MASP1: variants seen among roughly 807,000 people sequenced by gnomAD.
The protein encoded by MASP1 is mannan-binding lectin serine protease 1.
MASP1 carries 59 observed loss-of-function variants against 77.1 expected under a neutral mutation model. The ratio of observed to expected loss-of-function variants is 0.77; its 90% CI spans 0.62 to 0.95. The LOEUF is 0.95. Ranked by LOEUF, MASP1 falls within the 40% of genes least tolerant of loss-of-function variation. The probability of loss-of-function intolerance (pLI) is 0.00; values close to 1 mark genes in which losing one functional copy is unlikely to be tolerated. For missense variants in MASP1, 885 were observed against 912.9 expected (o/e 0.97, Z 0.39); for synonymous variants, 362 against 354.5 (o/e 1.02, Z -0.24).
intron 2 of MASP1, among the ~76,000 whole-genome samples, chr3:187,274,284 C>T (rs9860120): frequency 0.12 from 17,559 of 152,062 alleles, 1,355 homozygotes; most frequent in African/African-American, 0.23. Context: ...TGACAGGGCA[C>T]GTTTACCTTC....
intron 2 of MASP1, among the ~76,000 whole-genome samples, chr3:187,275,059 C>T (rs1579570092): frequency 6.6e-6 from 1 of 152,158 alleles, no homozygotes; most frequent in Non-Finnish European, 1.5e-5. Context: ...CTCAGACTCC[C>T]CCACCTCACC....
chr3:187,288,427 G>A (rs1002017618), intron 1 of MASP1, among the ~76,000 whole-genome samples: 3 of 152,206 alleles, frequency 2.0e-5, no homozygotes, highest in African/African-American at 4.8e-5. Flanking sequence ...GGTCAAAAGA[G>A]CTAGATTCAG....
chr3:187,264,577 T>A (rs1275415409), intron 2 of MASP1, among the ~76,000 whole-genome samples: 1 of 152,232 alleles, frequency 6.6e-6, no homozygotes, highest in Non-Finnish European at 1.5e-5. Context: ...TCAACCATTG[T>A]GATACTATAT....
intron 8 of MASP1, among the ~76,000 whole-genome samples, chr3:187,249,243 A>G (rs1714360230): frequency 6.6e-6 from 1 of 152,006 alleles, no homozygotes; most frequent in Non-Finnish European, 1.5e-5. Flanking sequence ...TTTTTAGTAG[A>G]GACTGAGTTT....
At chr3:187,220,918 C>A (rs1439673312) in intron 15 of MASP1, 11 of 765,244 alleles carry the variant, frequency 1.4e-5, no homozygotes, top group Non-Finnish European at 2.6e-5. Context: ...TTCCTCCAGT[C>A]CCCCGCGCCC....
In MASP1 at chr3:187,226,469, G is replaced by A. The variant is rs551848961; in HGVS notation, c.1493C>T (p.Pro498Leu). 1.4e-5 allele frequency: 22 copies of A among 1,613,042 alleles called. No individual in the cohort carries two copies. The highest frequency in any genetic ancestry group is 1.7e-4 in the Middle Eastern group (1 of 6,060). Reference sequence around the variant, plus strand: ...TGAATCACGTAGGGTCGGATCTTCCGGATCGAGTGACTGGTGGAGGCAGTG... The same window carrying A: ...TGAATCACGTAGGGTCGGATCTTCCAGATCGAGTGACTGGTGGAGGCAGTG... The change falls in exon 12 of 16, where the codon CCG becomes CTG. Residue 498 changes from proline (P) to leucine (L), a missense_variant. By Grantham distance (98) the Pro-to-Leu change is moderately conservative (BLOSUM62 -3). Coordinates refer to the MASP1 transcript ENST00000337774.
In MASP1 at chr3:187,236,305, C is replaced by A; in HGVS notation, c.1566G>T (p.Leu522Phe). The A allele has an allele frequency of 6.2e-7, 1 of 1,614,258 alleles. No individual in the cohort carries two copies. The highest frequency in any genetic ancestry group is 8.5e-7 in the Non-Finnish European group (1 of 1,180,054). The change falls in exon 11 of 11, where the codon TTG (leucine) becomes TTT (phenylalanine). Residue 522 changes from leucine to phenylalanine, a missense_variant. Coordinates refer to ENST00000296280, the MANE Select transcript of MASP1 (RefSeq NM_139125.4). ...SKEHVTVYLG[L>F]HDVRDKSGAV... The stretch of plus-strand genomic sequence containing the variant: ...CCCCCGATTTGTCTCGCACATCATG[C>A]AAGCCCAGGTAGACGGTGACATGCT...
intron 11 of MASP1, chr3:187,226,577 G>A: frequency 8.1e-7 from 1 of 1,228,930 alleles, no homozygotes; most frequent in Non-Finnish European, 1.2e-6. Flanking sequence ...GCCTCCCTCT[G>A]TCTTGAGCTG....
intron 10 of MASP1, among the ~76,000 whole-genome samples, chr3:187,236,952 T>C (rs1027766067): frequency 2.0e-5 from 3 of 152,236 alleles, no homozygotes; most frequent in Admixed American, 1.3e-4. Context: ...ATTTCAGAAG[T>C]GGTCCATGCT....
At chr3:187,279,510 C>A (rs181127611) in intron 2 of MASP1, among the ~76,000 whole-genome samples, 1 of 152,186 alleles carries the variant, frequency 6.6e-6, no homozygotes, top group Non-Finnish European at 1.5e-5. Flanking sequence ...GGCTGGCCAA[C>A]AAAATCCATC....
At position 187,220,016 on chromosome 3, in the gene MASP1, C is replaced by T. The variant is rs367672131; in HGVS notation, c.*55G>A. ...GAAATGGCTGCTTTCATCGGAGGAT[C>T]GTCCTCTGCTACTGACTGCCCACAG... On this transcript the variant is annotated 3_prime_UTR_variant, in exon 16 of 16. Transcript: ENST00000337774. 2.3e-5 allele frequency: 37 copies of T among 1,579,844 alleles called. No homozygotes were observed. In the African/African-American group the frequency reaches 3.5e-4, roughly 15 times the overall value.
intron 2 of MASP1, among the ~76,000 whole-genome samples, chr3:187,273,592 T>G (rs1716709507): frequency 1.3e-5 from 2 of 152,170 alleles, no homozygotes; most frequent in African/African-American, 4.8e-5. Context: ...GAGCTCACCT[T>G]CACGGAAAGT....
At chr3:187,218,918 G>A (rs980815349) in exon 16 of MASP1, 6 of 152,356 alleles carry the variant, frequency 3.9e-5, no homozygotes, top group African/African-American at 1.2e-4. Flanking sequence ...GGGGTCAGCT[G>A]TGGACATAGG....
chr3:187,235,855 A>G lies in MASP1; in HGVS notation c.2016T>C (p.Asp672=). The stretch of plus-strand genomic sequence containing the variant: ...GCACCACCCAGCGCTGGCTCAAGTC[A>G]TCAAAGATGACAAAGGCCCCACCGC... ...GDSGGAFVIF[D]DLSQRWVVQG... Residue 672 remains aspartate (D), a synonymous_variant, in exon 11 of 11, where the codon GAT becomes GAC. Coordinates refer to ENST00000296280, the MANE Select transcript of MASP1 (RefSeq NM_139125.4). 1 of 1,614,144 alleles carries G rather than the reference A, an allele frequency of 6.2e-7. No homozygotes were observed. Among genetic ancestry groups the G allele is most frequent in the Non-Finnish European group, 8.5e-7 (1 of 1,180,016 alleles).
At chr3:187,224,591 C>T in intron 13 of MASP1, among the ~76,000 whole-genome samples, 1 of 151,944 alleles carries the variant, frequency 6.6e-6, no homozygotes, top group South Asian at 2.1e-4. Flanking sequence ...CGTGATCCGC[C>T]CGCCTCGGCC....
chr3:187,227,547 T>C (rs1388538562), intron 11 of MASP1, among the ~76,000 whole-genome samples: 1 of 151,924 alleles, frequency 6.6e-6, no homozygotes, highest in Non-Finnish European at 1.5e-5. Flanking sequence ...AGGCTGAGTA[T>C]CAGGTCAAAG....
chr3:187,285,337 G>A (rs1311770581), intron 2 of MASP1, among the ~76,000 whole-genome samples: 3 of 151,952 alleles, frequency 2.0e-5, no homozygotes, highest in Non-Finnish European at 2.9e-5. Context: ...TAAGAATCTC[G>A]CCTCCACTCA....
rs2302818 is a variant in MASP1 at position 187,250,154 on chromosome 3, G to C, written c.1090+97C>G. The C allele has an allele frequency of 9.4e-5, 90 of 961,348 alleles. No individual in the cohort carries two copies. In the Middle Eastern group the frequency reaches 3.5e-3, roughly 38 times the overall value. 59.6% of individuals were successfully genotyped at this position (961,348 alleles called of 1,614,324 possible). The stretch of plus-strand genomic sequence containing the variant: ...AATTCCTGCTCCCATCCCCCTTAGA[G>C]TGCTCCTGCCAAGCTTTCACCCTTG... On this transcript the variant is annotated intron_variant, in intron 8 of 10. Coordinates refer to ENST00000296280, the MANE Select transcript of MASP1 (RefSeq NM_139125.4).
At chr3:187,258,238 T>G (rs1715263554) in intron 4 of MASP1, among the ~76,000 whole-genome samples, 1 of 152,188 alleles carries the variant, frequency 6.6e-6, no homozygotes, top group Non-Finnish European at 1.5e-5. Context: ...AACTGTAGCT[T>G]TGAATGGACA....
Sources: gnomAD v4.1 joint callset for allele counts (sites outside exome capture counted in the v4.1 genomes callset) on GRCh38, gnomAD v4.1.1 for gene constraint, MANE v1.5 for transcripts, NCBI Gene and HGNC (gene_info 2026-07-23, HGNC 2026-07-21) for gene names.